The following DNAJC7 variants were observed in gnomAD, a reference collection of about 807,000 sequenced individuals.
DNAJC7 encodes the protein DnaJ heat shock protein family (Hsp40) member C7, also known as dnaJ homolog subfamily C member 7.
In DNAJC7, 18 loss-of-function variants were observed where a neutral mutation model predicts 67.4. That is an observed-to-expected ratio of 0.27 (90% CI 0.18 to 0.40). The LOEUF (loss-of-function observed/expected upper bound fraction) is 0.40. DNAJC7 is among the 10% of genes least tolerant of loss of function. The pLI is 1.00. For missense variants in DNAJC7, 419 were observed against 613.8 expected, an observed-to-expected ratio of 0.68 and a Z score of 3.35; for synonymous variants, 220 against 207.8, an observed-to-expected ratio of 1.06 and a Z score of -0.50.
intron 4 of DNAJC7, 126 bp downstream of exon 4, chr17:41,996,185 G>A (rs1339926283): frequency 5.9e-6 from 5 of 853,566 alleles, no homozygotes; most frequent in South Asian, 3.1e-5. Flanking sequence ...TATGAAACTC[G>A]CCTAAAGTCA....
chr17:41,999,623 C>A (rs530719662), intron 2 of DNAJC7, among the ~76,000 whole-genome samples: 1 of 152,078 alleles, frequency 6.6e-6, no homozygotes, highest in East Asian at 1.9e-4. Context: ...TGGGTTCAAG[C>A]GATTCTCCTG....
chr17:41,995,471 T>C (rs1157572013), intron 4 of DNAJC7, among the ~76,000 whole-genome samples: 9 of 152,252 alleles, frequency 5.9e-5, no homozygotes, highest in Non-Finnish European at 8.8e-5. Context: ...AACAATGAAC[T>C]GTATATATGG....
At chr17:41,997,471 C>T (rs2143246525) in intron 2 of DNAJC7, among the ~76,000 whole-genome samples, 1 of 152,054 alleles carries the variant, frequency 6.6e-6, no homozygotes, top group East Asian at 1.9e-4. Context: ...GTGGTGGGCC[C>T]CTGTAATTCC....
Position 41,989,389 on chromosome 17 carries a change from G to C in DNAJC7, c.753+15C>G. The stretch of plus-strand genomic sequence containing the variant: ...GGAAGCTCTTTCCCAGTTAGGTCTG[G>C]TGACTAGAACTTACTCTGCAGGCAA... On this transcript the variant is annotated intron_variant, in intron 7 of 13. Coordinates refer to ENST00000457167, the MANE Select transcript of DNAJC7 (RefSeq NM_003315.4). 1 of 1,612,988 alleles carries C rather than the reference G, an allele frequency of 6.2e-7. No individual in the cohort carries two copies. The highest frequency in any genetic ancestry group is 8.5e-7 in the Non-Finnish European group (1 of 1,179,528).
At chr17:42,007,491 C>T (rs1387368098) in intron 1 of DNAJC7, among the ~76,000 whole-genome samples, 3 of 152,104 alleles carry the variant, frequency 2.0e-5, no homozygotes, top group Non-Finnish European at 2.9e-5. Context: ...TTCCATCTTA[C>T]CAAAAGCATA....
At chr17:41,994,758 T>G in intron 5 of DNAJC7, 112 bp downstream of exon 5, 1 of 814,472 alleles carries the variant, frequency 1.2e-6, no homozygotes, top group East Asian at 2.5e-5. Flanking sequence ...AAGTGATAAT[T>G]TACTATTCTA....
chr17:41,985,730 C>T (rs1369937549), intron 9 of DNAJC7: 1 of 152,180 alleles, frequency 6.6e-6, no homozygotes, highest in Non-Finnish European at 1.5e-5. Flanking sequence ...TTGAGGCAGA[C>T]TGCAGCAGTA....
chr17:41,988,511 T>G (rs1425709837), intron 8 of DNAJC7, among the ~76,000 whole-genome samples: 1 of 152,234 alleles, frequency 6.6e-6, no homozygotes, highest in Non-Finnish European at 1.5e-5. Flanking sequence ...AAAGGGACCT[T>G]AATGAACAGG....
intron 1 of DNAJC7, among the ~76,000 whole-genome samples, chr17:42,002,061 A>C (rs1301139064): frequency 6.6e-6 from 1 of 152,208 alleles, no homozygotes; most frequent in African/African-American, 2.4e-5. Flanking sequence ...GAACCAACTG[A>C]AATCTTGCTA....
chr17:41,976,815 A>T, intron 13 of DNAJC7, 45 bp from the exon 14 acceptor site: 2 of 1,597,530 alleles, frequency 1.3e-6, no homozygotes, highest in Non-Finnish European at 1.7e-6. Context: ...GGATTTTCTA[A>T]GGAAGATCAC....
chr17:42,002,409 G>A (rs549955578), intron 1 of DNAJC7, among the ~76,000 whole-genome samples: 1 of 152,302 alleles, frequency 6.6e-6, no homozygotes, highest in Non-Finnish European at 1.5e-5. Context: ...AATGTACAGG[G>A]CTGCTGAAAG....
chr17:41,982,247 T>C lies in DNAJC7; in HGVS notation c.1231+8A>G, dbSNP rs1555646095. 6.2e-7 allele frequency: 1 copy of C among 1,613,954 alleles called. No individual in the cohort carries two copies. The highest frequency in any genetic ancestry group is 1.7e-5 in the Admixed American group (1 of 60,024). On this transcript the variant is annotated splice_region_variant and intron_variant, in intron 11 of 13. Coordinates refer to ENST00000457167, the MANE Select transcript of DNAJC7 (RefSeq NM_003315.4). The stretch of plus-strand genomic sequence containing the variant: ...TCCCACTGAGCCCACTCCCCGCACC[T>C]ACTCTACCTGGATGGTGCATCAAGG...
chr17:42,002,666 G>C (rs2051840326), intron 1 of DNAJC7, among the ~76,000 whole-genome samples: 1 of 152,188 alleles, frequency 6.6e-6, no homozygotes, highest in African/African-American at 2.4e-5. Flanking sequence ...TGTTACCCAT[G>C]TTTGTCAGAA....
chr17:41,976,536 T>A lies in DNAJC7; in HGVS notation c.*197A>T. On this transcript the variant is annotated 3_prime_UTR_variant, in exon 14 of 14. Transcript: ENST00000457167. ...AGCTGCCTCCCTGTCCACCCCCGCC[T>A]CCCTCCCCTGCCCTCGGTCTTCGGC... The A allele has an allele frequency of 2.6e-4, 122 of 474,900 alleles. No homozygotes were observed. Among genetic ancestry groups the A allele is most frequent in the East Asian group, 5.2e-4 (10 of 19,384 alleles). The allele number at this position is 474,900 out of a possible 1,614,324, so 29.4% of individuals were successfully genotyped here. A position where few individuals can be genotyped will look rare whatever the true frequency, so the allele number is the denominator to read the frequency against.
chr17:42,004,690 G>C (rs1555649924), intron 1 of DNAJC7, among the ~76,000 whole-genome samples: 1 of 152,176 alleles, frequency 6.6e-6, no homozygotes, highest in Non-Finnish European at 1.5e-5. Flanking sequence ...CCCATTCATG[G>C]TCTCCTTTGC....
At chr17:42,000,658 C>A (rs782478585) in intron 1 of DNAJC7, 88 bp from the exon 2 acceptor site, 6 of 955,732 alleles carry the variant, frequency 6.3e-6, no homozygotes, top group African/African-American at 5.0e-5. Context: ...GTCTAGAGCC[C>A]GCAGCACACT....
At chr17:41,996,164 C>T in intron 4 of DNAJC7, 147 bp downstream of exon 4, 1 of 690,046 alleles carries the variant, frequency 1.4e-6, no homozygotes, top group East Asian at 2.8e-5. Flanking sequence ...GAAGCTGAGG[C>T]TTAGAGAGGC....
Position 41,976,590 on chromosome 17 carries a change from C to T in DNAJC7, c.*143G>A. The T allele has an allele frequency of 9.2e-7, 1 of 1,081,572 alleles. No homozygotes were observed. Among genetic ancestry groups the T allele is most frequent in the Non-Finnish European group, 1.3e-6 (1 of 766,550 alleles). The allele number at this position is 1,081,572 out of a possible 1,614,324, so 67.0% of individuals were successfully genotyped here. On this transcript the variant is annotated 3_prime_UTR_variant, in exon 14 of 14. Coordinates refer to ENST00000457167, the MANE Select transcript of DNAJC7 (RefSeq NM_003315.4). ...GGTTCCCTTTGCTCCACCCCACTCACAGAGACACAGGGCATCCAACTGAGA... is the reference window on the plus strand; with the variant it reads ...GGTTCCCTTTGCTCCACCCCACTCATAGAGACACAGGGCATCCAACTGAGA...
In DNAJC7 at chr17:41,977,163, C is replaced by G. The variant is rs141817989; in HGVS notation, c.1447+98G>C. 49 of 1,238,572 alleles carry G rather than the reference C, an allele frequency of 4.0e-5. No individual in the cohort carries two copies. The African/African-American group carries it at 4.1e-4, about 10-fold the overall frequency. The allele number at this position is 1,238,572 out of a possible 1,614,324, so 76.7% of individuals were successfully genotyped here. ...TGCTAGATGAGAATTCAGCTGCCCC[C>G]GCTCATGGGCCCCTCTGACTCCCAA... is the stretch of plus-strand genomic sequence containing the variant. On this transcript the variant is annotated intron_variant, in intron 13 of 13. Coordinates refer to ENST00000457167, the MANE Select transcript of DNAJC7 (RefSeq NM_003315.4).
Sources: allele counts gnomAD v4.1 joint callset (sites outside exome capture counted in the v4.1 genomes callset), GRCh38; gene constraint gnomAD v4.1.1; transcripts MANE v1.5; gene names NCBI Gene and HGNC (gene_info 2026-07-23, HGNC 2026-07-21).